The following WDPCP variants were observed in gnomAD, a reference collection of about 807,000 sequenced individuals.
WDPCP encodes the protein WD repeat-containing and planar cell polarity effector protein fritz homolog.
WDPCP carries 71 observed loss-of-function variants against 93.1 expected under a neutral mutation model. The observed-to-expected ratio is 0.76, with a 90% CI of 0.63 to 0.93. The LOEUF is 0.93. Among genes scored for constraint, WDPCP ranks in the 40% least tolerant of loss-of-function variants. WDPCP has a pLI of 0.00. For missense variants in WDPCP, 844 were observed against 887.4 expected (o/e 0.95, Z 0.62); for synonymous variants, 315 against 315.0 (o/e 1.00, Z 0.00).
At chr2:63,748,110 C>G (rs999442917) in intron 2 of WDPCP, among the ~76,000 whole-genome samples, 2 of 151,938 alleles carry the variant, frequency 1.3e-5, no homozygotes, top group African/African-American at 4.8e-5. Context: ...TGGTATCTGA[C>G]AACTTTTGTT....
chr2:63,446,608 G>C (rs1697884104), intron 6 of WDPCP, among the ~76,000 whole-genome samples: 1 of 152,168 alleles, frequency 6.6e-6, no homozygotes, highest in Admixed American at 6.5e-5. Context: ...CCTCTCTCAT[G>C]TATGACAGCC....
intron 14 of WDPCP, among the ~76,000 whole-genome samples, chr2:63,218,490 G>A (rs532659041): frequency 5.3e-5 from 8 of 151,972 alleles, no homozygotes; most frequent in African/African-American, 1.7e-4. Context: ...ATAAAATACA[G>A]CATGCTTTAA....
chr2:63,826,293 G>A lies in WDPCP; in HGVS notation n.222+1329C>T, dbSNP rs1435755587. Among the ~76,000 whole-genome samples the A allele has an allele frequency of 3.3e-5, 5 of 151,992 alleles. No individual in the cohort carries two copies. The South Asian group carries it at 8.3e-4, about 25-fold the overall frequency. ...ATTTAATACATATCCTCAGAATCAG[G>A]GTTCAAGAGTACTGTGAAAAGGCCA... is the stretch of plus-strand genomic sequence containing the variant. On this transcript the variant is annotated intron_variant and non_coding_transcript_variant, in intron 1 of 4. Coordinates refer to the WDPCP transcript ENST00000467687.
chr2:63,444,190 T>C (rs1031696678), intron 6 of WDPCP, among the ~76,000 whole-genome samples: 3 of 152,224 alleles, frequency 2.0e-5, no homozygotes, highest in Admixed American at 6.5e-5. Context: ...AGCCCTCTTA[T>C]TGAACCTGAG....
intron 14 of WDPCP, among the ~76,000 whole-genome samples, chr2:63,226,318 C>CT (rs35781529): frequency 1.3e-5 from 2 of 151,710 alleles, no homozygotes; most frequent in Non-Finnish European, 2.9e-5. Context: ...ATATATTTTC[C>CT]TTTTTTTGAG....
At position 63,227,284 on chromosome 2, in the gene WDPCP, T is replaced by A. The variant is rs115574019; in HGVS notation, c.1915+32023A>T. 1.9e-3 allele frequency among the ~76,000 whole-genome samples: 286 copies of A among 152,056 alleles called. 1 individual carries two copies. Among genetic ancestry groups the A allele is most frequent in the Non-Finnish European group, 3.2e-3 (217 of 67,906 alleles). ...TTCATAACTGAAGGAATTGCTTAGA[T>A]CAAGGTCTAAGGTAAAAACCTCCAG... is the stretch of plus-strand genomic sequence containing the variant. On this transcript the variant is annotated intron_variant, in intron 14 of 17. Transcript: ENST00000272321.
chr2:63,796,600 T>C (rs554208584), intron 2 of WDPCP, among the ~76,000 whole-genome samples: 20 of 152,330 alleles, frequency 1.3e-4, no homozygotes, highest in Admixed American at 1.1e-3. Flanking sequence ...TGGAACTCAG[T>C]GCTGCCCTGT....
chr2:63,799,761 T>C (rs1169682216), intron 2 of WDPCP, among the ~76,000 whole-genome samples: 2 of 152,166 alleles, frequency 1.3e-5, no homozygotes, highest in East Asian at 1.9e-4. Flanking sequence ...ATTTATCCCC[T>C]AGGCTAGTAG....
intron 2 of WDPCP, among the ~76,000 whole-genome samples, chr2:63,808,332 T>TCTCCCCC (rs1233847605): frequency 1.7e-5 from 2 of 116,238 alleles, no homozygotes; most frequent in African/African-American, 3.1e-5. Flanking sequence ...CCCTCTCCCC[T>TCTCCCCC]CTCCCCTCTC....
intron 6 of WDPCP, among the ~76,000 whole-genome samples, chr2:63,453,267 T>C (rs1417728239): frequency 1.3e-5 from 2 of 152,056 alleles, no homozygotes; most frequent in East Asian, 3.9e-4. Context: ...AACAACCCCA[T>C]CAAAAAGTGG....
chr2:63,145,471 G>A (rs1430684774), intron 17 of WDPCP, among the ~76,000 whole-genome samples: 3 of 152,146 alleles, frequency 2.0e-5, no homozygotes, highest in Non-Finnish European at 4.4e-5. Flanking sequence ...CCAGGTCACT[G>A]GAGTTGGGTA....
At chr2:63,401,749 G>A (rs561339936) in intron 10 of WDPCP, among the ~76,000 whole-genome samples, 3 of 152,250 alleles carry the variant, frequency 2.0e-5, no homozygotes, top group East Asian at 3.9e-4. Context: ...AGGTTGCCGT[G>A]AGCTGAGATC....
intron 13 of WDPCP, among the ~76,000 whole-genome samples, chr2:63,311,979 A>G (rs1478729974): frequency 6.6e-6 from 1 of 152,114 alleles, no homozygotes; most frequent in Non-Finnish European, 1.5e-5. Flanking sequence ...CAAAGGTGAA[A>G]AGGTGGAGAT....
chr2:63,363,442 T>C (rs1442128032), intron 12 of WDPCP, among the ~76,000 whole-genome samples: 1 of 151,688 alleles, frequency 6.6e-6, no homozygotes, highest in Non-Finnish European at 1.5e-5. Flanking sequence ...TACAAAAAAT[T>C]TAAAAATTAG....
intron 10 of WDPCP, among the ~76,000 whole-genome samples, chr2:63,400,334 T>C (rs1694050369): frequency 6.6e-6 from 1 of 151,986 alleles, no homozygotes; most frequent in South Asian, 2.1e-4. Flanking sequence ...AGTATAGAAA[T>C]CCTGGAAGAC....
At chr2:63,589,313 T>C, upstream of WDPCP, 1 of 1,550,720 alleles carries the variant, frequency 6.4e-7, no homozygotes, top group Non-Finnish European at 8.7e-7. Flanking sequence ...TCCTGCTGCA[T>C]GACGGGAGGA....
rs1173578134 is a variant in WDPCP at position 63,632,361 on chromosome 2, AG to A, written n.488+18297del. On this transcript the variant is annotated intron_variant and non_coding_transcript_variant, in intron 3 of 4. Transcript: ENST00000467687. ...ACCAGAGGAACACAATAATTTTACA[AG>A]AACCAATGCCAAAGAAATAAAGACC... is the stretch of plus-strand genomic sequence containing the variant. Among the ~76,000 whole-genome samples the A allele has an allele frequency of 3.3e-5, 5 of 152,268 alleles. No homozygotes were observed. The East Asian group carries it at 9.6e-4, about 29-fold the overall frequency.
intron 1 of WDPCP, among the ~76,000 whole-genome samples, chr2:63,511,590 ACTACACAT>A (rs1245520780): frequency 1.2e-4 from 18 of 152,166 alleles, no homozygotes; most frequent in Non-Finnish European, 1.6e-4. Context: ...CAGAAATAAT[ACTACACAT>A]CTACAACCAT....
intron 12 of WDPCP, among the ~76,000 whole-genome samples, chr2:63,329,213 T>G (rs12466601): frequency 0.16 from 24,346 of 152,160 alleles, 2,609 homozygotes; most frequent in Non-Finnish European, 0.21. Flanking sequence ...CCACTGGCCC[T>G]GGCAATAACT....
Sources: gnomAD v4.1 joint callset for allele counts (sites outside exome capture counted in the v4.1 genomes callset) on GRCh38, gnomAD v4.1.1 for gene constraint, MANE v1.5 for transcripts, NCBI Gene and HGNC (gene_info 2026-07-23, HGNC 2026-07-21) for gene names.